CFAP299: variants seen among roughly 807,000 people sequenced by gnomAD.
The protein encoded by CFAP299 is cilia and flagella associated protein 299.
Under a neutral mutation model 27.0 loss-of-function variants are expected in CFAP299, and 21 were observed. The ratio of observed to expected loss-of-function variants is 0.78; its 90% confidence interval spans 0.55 to 1.12. The LOEUF is 1.12. Ranked by LOEUF, CFAP299 falls within the 50% of genes most tolerant of loss-of-function variation. The pLI is 0.00. For missense variants in CFAP299, 310 were observed against 276.6 expected, an observed-to-expected ratio of 1.12 and a Z score of -0.86; for synonymous variants, 104 against 98.1, an observed-to-expected ratio of 1.06 and a Z score of -0.36.
At chr4:80,339,751 G>A (rs767759154) in intron 1 of CFAP299, among the ~76,000 whole-genome samples, 28 of 151,992 alleles carry the variant, frequency 1.8e-4, no homozygotes, top group Non-Finnish European at 3.2e-4. Context: ...AAAAGTTTTG[G>A]CAAAATTATT....
At chr4:80,409,755 A>G (rs1251597594) in intron 2 of CFAP299, among the ~76,000 whole-genome samples, 2 of 152,192 alleles carry the variant, frequency 1.3e-5, no homozygotes, top group Non-Finnish European at 2.9e-5. Context: ...TGAGCCTTGG[A>G]CAAAAGTATC....
intron 4 of CFAP299, among the ~76,000 whole-genome samples, chr4:80,897,258 A>G (rs1163736329): frequency 6.6e-6 from 1 of 152,210 alleles, no homozygotes; most frequent in Non-Finnish European, 1.5e-5. Context: ...ACATTTCTAA[A>G]ACTTTATGTT....
chr4:80,338,673 G>A (rs189493031), intron 1 of CFAP299, among the ~76,000 whole-genome samples: 10 of 152,250 alleles, frequency 6.6e-5, no homozygotes, highest in Admixed American at 3.3e-4. Flanking sequence ...TTCACCAAGC[G>A]CCTGATGTAG....
At chr4:80,773,826 AT>A (rs1051585655) in intron 3 of CFAP299, among the ~76,000 whole-genome samples, 6 of 151,950 alleles carry the variant, frequency 3.9e-5, no homozygotes, top group Admixed American at 3.9e-4. Flanking sequence ...AAAGTTATAA[AT>A]TTTTTATAAT....
intron 2 of CFAP299, among the ~76,000 whole-genome samples, chr4:80,491,268 C>T (rs1381350137): frequency 6.6e-6 from 1 of 151,858 alleles, no homozygotes. Flanking sequence ...AGATTAAACA[C>T]CAGATTTTCT....
At chr4:80,901,506 T>A (rs900340976) in intron 4 of CFAP299, among the ~76,000 whole-genome samples, 1 of 152,122 alleles carries the variant, frequency 6.6e-6, no homozygotes, top group Admixed American at 6.6e-5. Context: ...ATTTTAAAAA[T>A]ATATTTGCTG....
intron 5 of CFAP299, among the ~76,000 whole-genome samples, chr4:80,960,364 T>G (rs1296196373): frequency 1.3e-5 from 2 of 151,936 alleles, no homozygotes; most frequent in Non-Finnish European, 2.9e-5. Flanking sequence ...GTTATTTCTG[T>G]TAAAACGTCA....
At chr4:80,424,241 C>T (rs552289135) in intron 2 of CFAP299, among the ~76,000 whole-genome samples, 3 of 152,230 alleles carry the variant, frequency 2.0e-5, no homozygotes, top group East Asian at 3.9e-4. Context: ...AACCTTCCCA[C>T]GTGGTGGTAT....
chr4:80,951,501 G>T (rs1345812404), intron 5 of CFAP299, among the ~76,000 whole-genome samples: 3 of 152,098 alleles, frequency 2.0e-5, no homozygotes, highest in Admixed American at 2.0e-4. Flanking sequence ...ATTATCACAA[G>T]AGCTCTTTAT....
chr4:80,433,973 A>G (rs1159165439), intron 2 of CFAP299, among the ~76,000 whole-genome samples: 2 of 152,212 alleles, frequency 1.3e-5, no homozygotes, highest in Non-Finnish European at 2.9e-5. Flanking sequence ...CAAGTGCTCA[A>G]TACAACTTTT....
chr4:80,752,341 G>C (rs1377043195), intron 3 of CFAP299, among the ~76,000 whole-genome samples: 11 of 150,404 alleles, frequency 7.3e-5, no homozygotes, highest in Admixed American at 7.3e-4. Context: ...CTTCTAATCA[G>C]CCATGGTGCA....
intron 2 of CFAP299, among the ~76,000 whole-genome samples, chr4:80,432,208 A>G (rs1727849927): frequency 6.7e-6 from 1 of 148,572 alleles, no homozygotes; most frequent in Non-Finnish European, 1.5e-5. Context: ...CTGGAGTGCA[A>G]TGGTGCCATC....
chr4:80,920,166 AAC>A (rs1447469806), intron 4 of CFAP299, among the ~76,000 whole-genome samples: 1 of 127,750 alleles, frequency 7.8e-6, no homozygotes, highest in Non-Finnish European at 1.5e-5. Context: ...TTTCCTGAGA[AAC>A]AGTCATACTG....
chr4:80,587,200 A>G (rs1178046823), intron 3 of CFAP299, among the ~76,000 whole-genome samples: 1 of 152,168 alleles, frequency 6.6e-6, no homozygotes, highest in African/African-American at 2.4e-5. Context: ...TTGTCCACTA[A>G]TAAACCCTTA....
At chr4:80,460,817 A>C (rs1729400625) in intron 2 of CFAP299, among the ~76,000 whole-genome samples, 1 of 152,204 alleles carries the variant, frequency 6.6e-6, no homozygotes, top group Non-Finnish European at 1.5e-5. Flanking sequence ...TTGCCAAAGA[A>C]AAAAGTCAAA....
chr4:80,890,488 C>T (rs890201013), intron 4 of CFAP299, among the ~76,000 whole-genome samples: 7 of 152,026 alleles, frequency 4.6e-5, no homozygotes, highest in Admixed American at 3.9e-4. Flanking sequence ...AGATCCAAGT[C>T]TTTGCTATTG....
At chr4:80,357,955 A>T (rs956257993) in intron 1 of CFAP299, among the ~76,000 whole-genome samples, 1 of 151,838 alleles carries the variant, frequency 6.6e-6, no homozygotes, top group Non-Finnish European at 1.5e-5. Flanking sequence ...AATTTTTCCA[A>T]CTTTTTGATA....
At chr4:80,784,959 A>T (rs1425638189) in intron 3 of CFAP299, among the ~76,000 whole-genome samples, 1 of 152,044 alleles carries the variant, frequency 6.6e-6, no homozygotes, top group African/African-American at 2.4e-5. Context: ...CCATTATCAG[A>T]TATATGATTT....
chr4:80,595,272 A>G (rs1560645652), intron 3 of CFAP299, among the ~76,000 whole-genome samples: 1 of 139,338 alleles, frequency 7.2e-6, no homozygotes, highest in Non-Finnish European at 1.5e-5. Context: ...CAAAGATAGC[A>G]CAGATATATT....
Sources: allele counts gnomAD v4.1 joint callset (sites outside exome capture counted in the v4.1 genomes callset), GRCh38; gene constraint gnomAD v4.1.1; transcripts MANE v1.5; gene names NCBI Gene and HGNC (gene_info 2026-07-23, HGNC 2026-07-21).